The following RP1L1 variants were observed in gnomAD, a reference collection of about 807,000 sequenced individuals.
RP1L1 encodes the protein retinitis pigmentosa 1-like 1 protein.
A neutral mutation model predicts 15.7 loss-of-function variants in RP1L1; 27 were observed. The observed-to-expected ratio is 1.72, with a 90% confidence interval of 1.27 to 2.38. The LOEUF (loss-of-function observed/expected upper bound fraction) is 2.38, where lower values mean the gene tolerates loss of function less well. Among genes scored for constraint, RP1L1 ranks in the 30% most tolerant of loss-of-function variants. The pLI, the probability that RP1L1 is intolerant of heterozygous loss-of-function variation, is 0.00. For synonymous variants in RP1L1, 1,813 were observed against 1,276.7 expected (o/e 1.42, Z -8.96); for missense variants, 4,798 against 3,075.9 (o/e 1.56, Z -13.24).
chr8:10,609,387 T>C lies in RP1L1; in HGVS notation c.4711A>G (p.Ser1571Gly), dbSNP rs745597049. 18 of 1,612,418 alleles carry C rather than the reference T, an allele frequency of 1.1e-5. No individual in the cohort carries two copies. In the Admixed American group the frequency reaches 2.2e-4, roughly 19 times the overall value. Reference protein sequence around the residue: ...QQDVAQRLQDSTKRELQKLQG... With the variant: ...QQDVAQRLQDGTKRELQKLQG... ...AGCTTCTGGAGCTCTCTCTTGGTGC[T>C]GTCCTGGAGGCGTTGGGCCACGTCC... Residue 1571 changes from serine to glycine, a missense_variant, in exon 4 of 4, where the codon AGC (serine) becomes GGC (glycine). Transcript: ENST00000382483.
At position 10,614,709 on chromosome 8, in the gene RP1L1, G is replaced by T. The variant is rs185844867; in HGVS notation, c.752-1363C>A. On this transcript the variant is annotated intron_variant, in intron 3 of 3. Coordinates refer to ENST00000382483, the MANE Select transcript of RP1L1 (RefSeq NM_178857.6). Reference sequence around the variant, plus strand: ...AGAAAAAAGAAAGGAGGGAAGGAAGGAAGGAAGGAAAAAAAAAAGAAAGAA... The same window carrying T: ...AGAAAAAAGAAAGGAGGGAAGGAAGTAAGGAAGGAAAAAAAAAAGAAAGAA... Among the ~76,000 whole-genome samples, 42 of 142,744 alleles carry T rather than the reference G, an allele frequency of 2.9e-4. No individual in the cohort carries two copies. The East Asian group carries it at 9.0e-3, about 31-fold the overall frequency. 93.6% of individuals were successfully genotyped at this position (142,744 alleles called of 152,430 possible). A position where few individuals can be genotyped will look rare whatever the true frequency, so the allele number is the denominator to read the frequency against.
chr8:10,607,137 C>A lies in RP1L1; in HGVS notation c.6961G>T (p.Gly2321Ter). ...QKDSENDHVL[G>*]DTRSPDAKST... ...TTGGCATCAGGGCTCCTTGTGTCTC[C>A]AAGTACATGGTCATTTTCTGAGTCT... The change falls in exon 4 of 4, where the codon GGA (glycine) becomes TGA (stop). Residue 2321 changes from glycine to a stop codon, truncating the protein, a stop_gained. Transcript: ENST00000382483. LOFTEE classifies it low-confidence loss of function (END_TRUNC). 1 of 1,614,218 alleles carries A rather than the reference C, an allele frequency of 6.2e-7. No homozygotes were observed.
rs1466329150 is a variant in RP1L1 at position 10,610,541 on chromosome 8, G to A, written c.3557C>T (p.Ser1186Phe). 6 of 1,613,624 alleles carry A rather than the reference G, an allele frequency of 3.7e-6. No homozygotes were observed. In the Admixed American group the frequency reaches 8.3e-5, roughly 22 times the overall value. The change falls in exon 4 of 4, where the codon TCC becomes TTC. Residue 1186 changes from serine to phenylalanine, a missense_variant. Ser to Phe is a radical substitution (Grantham distance 155). Transcript: ENST00000382483. ...CGTGAAGTTCTCCGTCATGGCATGGGACCCAAGGTCTGGCAGAGCCTGGCT... is the reference window on the plus strand; with the variant it reads ...CGTGAAGTTCTCCGTCATGGCATGGAACCCAAGGTCTGGCAGAGCCTGGCT... The part of the protein sequence containing the change: ...TWSQALPDLG[S>F]HAMTENFTPT...
chr8:10,646,304 C>T (rs1487691580), intron 1 of RP1L1, among the ~76,000 whole-genome samples: 3 of 152,184 alleles, frequency 2.0e-5, no homozygotes, highest in Non-Finnish European at 4.4e-5. Flanking sequence ...TACCTAGAGT[C>T]ATGCAGCTCT....
chr8:10,612,866 G>C lies in RP1L1; in HGVS notation c.1232C>G (p.Pro411Arg). Residue 411 changes from proline (P) to arginine (R), a missense_variant, in exon 4 of 4, where the codon CCC becomes CGC. Coordinates refer to ENST00000382483, the MANE Select transcript of RP1L1 (RefSeq NM_178857.6). Reference protein sequence around the residue: ...PGPKYEIWTNPLHASQGERVA... With the variant: ...PGPKYEIWTNRLHASQGERVA... ...TCTCTCTCCCTGGGAGGCATGCAGG[G>C]GATTCGTCCAGATTTCATACTTGGG... The C allele has an allele frequency of 6.2e-7, 1 of 1,612,772 alleles. No homozygotes were observed. Among genetic ancestry groups the C allele is most frequent in the Non-Finnish European group, 8.5e-7 (1 of 1,179,882 alleles).
At chr8:10,639,662 C>G in intron 1 of RP1L1, among the ~76,000 whole-genome samples, 1 of 152,182 alleles carries the variant, frequency 6.6e-6, no homozygotes, top group East Asian at 1.9e-4. Context: ...GTGTGAGCCA[C>G]TGTGACTGGC....
chr8:10,643,581 G>T (rs1325106414), intron 1 of RP1L1, among the ~76,000 whole-genome samples: 1 of 151,852 alleles, frequency 6.6e-6, no homozygotes, highest in Middle Eastern at 3.4e-3. Flanking sequence ...TAATGTACTG[G>T]AAAAGAAAAA....
rs1354957512 is a variant in RP1L1, at chr8:10,608,487, ACT to A, written c.5609_5610del (p.Glu1870ValfsTer58). On this transcript the variant is annotated frameshift_variant, in exon 4 of 4. Coordinates refer to ENST00000382483, the MANE Select transcript of RP1L1 (RefSeq NM_178857.6). LOFTEE classifies it low-confidence loss of function (END_TRUNC). Reference protein sequence around the residue: ...AQEAEGEAQPESEDVEAPEAE... With the variant: ...AQEAEGEAQPXSEDVEAPEAE... The stretch of plus-strand genomic sequence containing the variant: ...GCCTCTGGGGCCTCTACATCTTCTG[ACT>A]CTGGCTGGGCCTCCCCTTCAGCCTC... 5.7e-6 allele frequency: 9 copies of A among 1,570,034 alleles called. No homozygotes were observed. The highest frequency in any genetic ancestry group is 7.7e-6 in the Non-Finnish European group (9 of 1,161,814).
In RP1L1 at chr8:10,639,100, G is replaced by A. The variant is rs151137148; in HGVS notation, c.-20+15798C>T. On this transcript the variant is annotated intron_variant, in intron 1 of 3. Transcript: ENST00000382483. ...GCAGGGGTTGCAGTGAGCCGAGATCGGACCCTGCACTCTAGCCTGGATGAC... is the reference window on the plus strand; with the variant it reads ...GCAGGGGTTGCAGTGAGCCGAGATCAGACCCTGCACTCTAGCCTGGATGAC... Among the ~76,000 whole-genome samples, 840 of 151,796 alleles carry A rather than the reference G, an allele frequency of 5.5e-3. 9 individuals carry two copies. The highest frequency in any genetic ancestry group is 0.037 in the South Asian group (179 of 4,788).
In RP1L1 at chr8:10,622,727, T is replaced by A. The variant is rs763871931; in HGVS notation, c.475A>T (p.Asn159Tyr). The A allele has an allele frequency of 6.8e-6, 11 of 1,614,168 alleles. No homozygotes were observed. The highest frequency in any genetic ancestry group is 9.3e-6 in the Non-Finnish European group (11 of 1,180,036). Residue 159 changes from asparagine to tyrosine, a missense_variant, in exon 2 of 4, where the codon AAC (asparagine) becomes TAC (tyrosine). By Grantham distance (143) the Asn-to-Tyr change is moderately radical. Coordinates refer to ENST00000382483, the MANE Select transcript of RP1L1 (RefSeq NM_178857.6). The stretch of plus-strand genomic sequence containing the variant: ...GTCTGCTGGAGGCGAGGGTCCATGT[T>A]CTTAATCAGCAGTATCCTCCGGGGG... ...KTPRRILLIK[N>Y]MDPRLQQTVV...
intron 1 of RP1L1, among the ~76,000 whole-genome samples, chr8:10,640,550 G>A (rs1380353034): frequency 6.6e-6 from 1 of 151,908 alleles, no homozygotes; most frequent in Non-Finnish European, 1.5e-5. Context: ...TTGCTCAGGA[G>A]GCTGAAGCAG....
chr8:10,651,907 G>T (rs1798568636), intron 1 of RP1L1, among the ~76,000 whole-genome samples: 1 of 152,098 alleles, frequency 6.6e-6, no homozygotes, highest in Non-Finnish European at 1.5e-5. Flanking sequence ...GATGATCATG[G>T]CGCTGCATAT....
chr8:10,624,786 A>G (rs1223451519), intron 1 of RP1L1, among the ~76,000 whole-genome samples: 2 of 152,184 alleles, frequency 1.3e-5, no homozygotes, highest in Non-Finnish European at 2.9e-5. Context: ...CGGCCTGGAA[A>G]ACTGGGCTTT....
In RP1L1 at chr8:10,612,704, G is replaced by A. The variant is rs772280379; in HGVS notation, c.1394C>T (p.Ser465Leu). The A allele has an allele frequency of 3.7e-5, 59 of 1,604,142 alleles. No individual in the cohort carries two copies. Among genetic ancestry groups the A allele is most frequent in the Admixed American group, 1.5e-4 (9 of 59,946 alleles). The change falls in exon 4 of 4, where the codon TCG becomes TTG. Residue 465 changes from serine to leucine, a missense_variant. Ser to Leu is a moderately radical substitution (Grantham distance 145). Coordinates refer to ENST00000382483, the MANE Select transcript of RP1L1 (RefSeq NM_178857.6). ...PASSTGLPEG[S>L]EPESSCCPRT... ...GGGGCAGCAGGAGGACTCTGGCTCCGAGCCCTCGGGGAGGCCGGTGCTGGA... is the reference window on the plus strand; with the variant it reads ...GGGGCAGCAGGAGGACTCTGGCTCCAAGCCCTCGGGGAGGCCGGTGCTGGA...
chr8:10,613,450 G>A (rs1187018049), intron 3 of RP1L1, 104 bp from the exon 4 acceptor site: 123 of 1,480,224 alleles, frequency 8.3e-5, no homozygotes, highest in Non-Finnish European at 5.5e-6. Flanking sequence ...CACGACCTCA[G>A]CATCACCACT....
At chr8:10,648,548 C>T (rs1374282864) in intron 1 of RP1L1, among the ~76,000 whole-genome samples, 1 of 152,122 alleles carries the variant, frequency 6.6e-6, no homozygotes, top group Non-Finnish European at 1.5e-5. Context: ...TTATGCGTTT[C>T]CAAGCTTTTA....
At chr8:10,636,587 T>C (rs567930383) in intron 1 of RP1L1, among the ~76,000 whole-genome samples, 1 of 151,894 alleles carries the variant, frequency 6.6e-6, no homozygotes, top group Non-Finnish European at 1.5e-5. Flanking sequence ...AACGGCCTCC[T>C]CGGATGAAAG....
At chr8:10,639,533 C>T (rs528488793) in intron 1 of RP1L1, among the ~76,000 whole-genome samples, 13 of 152,150 alleles carry the variant, frequency 8.5e-5, no homozygotes, top group South Asian at 6.3e-4. Flanking sequence ...CCACCATACC[C>T]GGCTAATTTT....
At chr8:10,623,574 C>A (rs1798110213) in intron 1 of RP1L1, among the ~76,000 whole-genome samples, 1 of 151,486 alleles carries the variant, frequency 6.6e-6, no homozygotes, top group African/African-American at 2.4e-5. Flanking sequence ...CCTCCATGTC[C>A]CCAGTACTTC....
Sources: allele counts gnomAD v4.1 joint callset (sites outside exome capture counted in the v4.1 genomes callset), GRCh38; gene constraint gnomAD v4.1.1; transcripts MANE v1.5; gene names NCBI Gene and HGNC (gene_info 2026-07-23, HGNC 2026-07-21).